The following NUP155 variants were observed in gnomAD, a reference collection of about 807,000 sequenced individuals.
NUP155 encodes nuclear pore complex protein Nup155.
A neutral mutation model predicts 180.4 loss-of-function variants in NUP155; 71 were observed. That is an observed-to-expected ratio of 0.39 (90% CI 0.33 to 0.48). NUP155 has a LOEUF of 0.48. Among genes scored for constraint, NUP155 ranks in the 20% least tolerant of loss-of-function variants. The pLI is 0.91. For synonymous variants in NUP155, 582 were observed against 559.5 expected (o/e 1.04, Z -0.57); for missense variants, 1,553 against 1,648.9 (o/e 0.94, Z 1.01).
chr5:37,348,662 T>C (rs2111566176), intron 8 of NUP155, 66 bp from the exon 9 acceptor site: 2 of 917,388 alleles, frequency 2.2e-6, no homozygotes, highest in South Asian at 2.7e-5. Flanking sequence ...TTAAACTCTT[T>C]CTTTTAAGGG....
chr5:37,354,973 T>C (rs928358107), intron 4 of NUP155, among the ~76,000 whole-genome samples: 3 of 151,678 alleles, frequency 2.0e-5, no homozygotes, highest in African/African-American at 7.3e-5. Context: ...GCGCCTGTAA[T>C]CCCAGCTACT....
chr5:37,361,265 CAAAAAA>C (rs35489900), intron 3 of NUP155, among the ~76,000 whole-genome samples: 1 of 78,006 alleles, frequency 1.3e-5, no homozygotes, highest in East Asian at 3.6e-4. Context: ...GACTCTGTCT[CAAAAAA>C]AAAAAAAAAA....
chr5:37,292,560 C>G (rs2150933842), intron 34 of NUP155, among the ~76,000 whole-genome samples: 1 of 151,994 alleles, frequency 6.6e-6, no homozygotes, highest in East Asian at 1.9e-4. Context: ...ATGATTCCTG[C>G]TAATATTCTT....
At chr5:37,292,272 G>A (rs1326645752) in intron 34 of NUP155, among the ~76,000 whole-genome samples, 1 of 151,470 alleles carries the variant, frequency 6.6e-6, no homozygotes, top group Non-Finnish European at 1.5e-5. Flanking sequence ...CTGCAGTGCA[G>A]TGGCGCCATC....
chr5:37,317,419 C>G (rs1280267645), intron 21 of NUP155, among the ~76,000 whole-genome samples: 1 of 148,636 alleles, frequency 6.7e-6, no homozygotes, highest in Non-Finnish European at 1.5e-5. Flanking sequence ...ACCCAGGAGG[C>G]AGAGGTTGCA....
intron 23 of NUP155, 193 bp from the exon 24 acceptor site, chr5:37,309,460 C>G (rs1743388506): frequency 3.6e-6 from 2 of 562,804 alleles, no homozygotes; most frequent in Admixed American, 6.2e-5. Context: ...TTCTTAATTC[C>G]TCTCCCAAAT....
At chr5:37,352,208 A>T (rs1410122619) in intron 5 of NUP155, among the ~76,000 whole-genome samples, 2 of 152,166 alleles carry the variant, frequency 1.3e-5, no homozygotes, top group Non-Finnish European at 2.9e-5. Context: ...ATACAAAAAA[A>T]TTAGCTGGGT....
At chr5:37,331,447 G>C (rs1009919045) in intron 14 of NUP155, among the ~76,000 whole-genome samples, 1 of 152,018 alleles carries the variant, frequency 6.6e-6, no homozygotes, top group East Asian at 2.0e-4. Flanking sequence ...GCTGGCACAT[G>C]CCTGTAATCC....
intron 1 of NUP155, among the ~76,000 whole-genome samples, chr5:37,365,887 A>G (rs926120046): frequency 6.6e-6 from 1 of 151,610 alleles, no homozygotes; most frequent in Admixed American, 6.6e-5. Context: ...GAAATGGGAA[A>G]ATATAAAACT....
At position 37,305,079 on chromosome 5, in the gene NUP155, C is replaced by T. The variant is rs758150553; in HGVS notation, c.3035G>A (p.Ser1012Asn). Residue 1012 changes from serine to asparagine, a missense_variant, in exon 26 of 35, where the codon AGT becomes AAT. By Grantham distance (46) the Ser-to-Asn change is conservative. Transcript: ENST00000231498. Reference sequence around the variant, plus strand: ...TACATGATGTCCTGCTTCTTCATTACTCAGCATATTTGGATCAGATGACAA... The same window carrying T: ...TACATGATGTCCTGCTTCTTCATTATTCAGCATATTTGGATCAGATGACAA... ...PVLSSDPNML[S>N]NEEAGHHFEQ... 6.2e-7 allele frequency: 1 copy of T among 1,613,730 alleles called. No homozygotes were observed. The highest frequency in any genetic ancestry group is 2.2e-5 in the East Asian group (1 of 44,876).
chr5:37,358,214 C>T, intron 3 of NUP155, 63 bp from the exon 4 acceptor site: 1 of 1,179,392 alleles, frequency 8.5e-7, no homozygotes. Context: ...TGTGGTGGCT[C>T]ATGTCTTTAA....
At chr5:37,323,758 A>T (rs1392122565) in intron 20 of NUP155, among the ~76,000 whole-genome samples, 5 of 151,820 alleles carry the variant, frequency 3.3e-5, no homozygotes, top group South Asian at 4.2e-4. Flanking sequence ...GTTGCCAGGG[A>T]CTGGGGGAAG....
chr5:37,336,201 T>A (rs1745318603), intron 12 of NUP155, among the ~76,000 whole-genome samples: 1 of 151,954 alleles, frequency 6.6e-6, no homozygotes, highest in African/African-American at 2.4e-5. Flanking sequence ...AAAAGTTAGG[T>A]GGAGGACAGT....
At chr5:37,306,456 T>C (rs1053371779) in intron 25 of NUP155, among the ~76,000 whole-genome samples, 6 of 152,212 alleles carry the variant, frequency 3.9e-5, no homozygotes, top group African/African-American at 1.4e-4. Context: ...ATATATGTTA[T>C]AGAAAGGTTA....
chr5:37,328,665 C>G (rs1019858365), intron 16 of NUP155, among the ~76,000 whole-genome samples: 1 of 152,044 alleles, frequency 6.6e-6, no homozygotes, highest in Non-Finnish European at 1.5e-5. Flanking sequence ...CACCACAGGC[C>G]GGCTACTTTT....
At position 37,296,650 on chromosome 5, in the gene NUP155, AATCCCCCTCTGCG is replaced by A; in HGVS notation, c.3794-2198_3794-2186del. ...CCACTATTGTCCTGTGACCCTGCCA[AATCCCCCTCTGCG>A]AGAAACACCCAAGAATGATCAATAA... On this transcript the variant is annotated intron_variant, in intron 32 of 34. Transcript: ENST00000231498. Among the ~76,000 whole-genome samples, 4 of 151,966 alleles carry A rather than the reference AATCCCCCTCTGCG, an allele frequency of 2.6e-5. 1 individual carries two copies. Among genetic ancestry groups the A allele is most frequent in the Admixed American group, 2.6e-4 (4 of 15,256 alleles).
At chr5:37,298,599 C>T (rs1223740329) in intron 32 of NUP155, among the ~76,000 whole-genome samples, 1 of 152,080 alleles carries the variant, frequency 6.6e-6, no homozygotes, top group East Asian at 1.9e-4. Flanking sequence ...TATAGGGTTA[C>T]CAACAATATA....
chr5:37,355,551 A>G (rs146677306), intron 4 of NUP155, among the ~76,000 whole-genome samples: 5,202 of 137,480 alleles, frequency 0.038, 322 homozygotes, highest in African/African-American at 0.15. Flanking sequence ...GTGTGTGTAT[A>G]TATATATATA....
intron 22 of NUP155, 80 bp downstream of exon 22, chr5:37,314,118 C>A: frequency 1.0e-6 from 1 of 976,574 alleles, no homozygotes. Flanking sequence ...CAAAATAATC[C>A]CCTCCAAAGC....
Sources: allele counts gnomAD v4.1 joint callset (sites outside exome capture counted in the v4.1 genomes callset), GRCh38; gene constraint gnomAD v4.1.1; transcripts MANE v1.5; gene names NCBI Gene and HGNC (gene_info 2026-07-23, HGNC 2026-07-21).